The following NEDD4L variants were observed in gnomAD, a reference collection of about 807,000 sequenced individuals.
NEDD4L encodes NEDD4 like E3 ubiquitin protein ligase.
NEDD4L carries 54 observed loss-of-function variants against 148.9 expected under a neutral mutation model. The ratio of observed to expected loss-of-function variants is 0.36; its 90% CI spans 0.29 to 0.45. The LOEUF (loss-of-function observed/expected upper bound fraction) is 0.45. NEDD4L is among the 20% of genes least tolerant of loss of function. NEDD4L has a pLI of 1.00. For missense variants in NEDD4L, 856 were observed against 1,233.8 expected (o/e 0.69, Z 4.59); for synonymous variants, 433 against 440.7 (o/e 0.98, Z 0.22).
At chr18:58,082,079 A>AATATATATATAT (rs72331379) in intron 1 of NEDD4L, among the ~76,000 whole-genome samples, 1 of 89,948 alleles carries the variant, frequency 1.1e-5, no homozygotes, top group East Asian at 2.9e-4. Flanking sequence ...CTTTCTGATG[A>AATATATATATAT]ATATATATAT....
At chr18:58,251,692 A>G (rs2047963485) in intron 4 of NEDD4L, among the ~76,000 whole-genome samples, 1 of 152,242 alleles carries the variant, frequency 6.6e-6, no homozygotes, top group Non-Finnish European at 1.5e-5. Context: ...ATCTACAGTC[A>G]TGAGAATGCC....
intron 1 of NEDD4L, among the ~76,000 whole-genome samples, chr18:58,143,110 A>T (rs965067183): frequency 1.3e-5 from 2 of 152,220 alleles, no homozygotes; most frequent in East Asian, 3.8e-4. Context: ...CTTTAGTGCC[A>T]GGTACTGGCG....
intron 5 of NEDD4L, among the ~76,000 whole-genome samples, chr18:58,278,220 A>G (rs980476069): frequency 6.6e-6 from 1 of 152,198 alleles, no homozygotes; most frequent in African/African-American, 2.4e-5. Context: ...GCCTTTCGCA[A>G]TCAACAGTGT....
At chr18:58,234,130 T>C (rs569826116) in intron 2 of NEDD4L, among the ~76,000 whole-genome samples, 7,503 of 149,266 alleles carry the variant, frequency 0.05, 811 homozygotes, top group African/African-American at 0.18. Flanking sequence ...TCCTTCTTTT[T>C]TTCTTTCTTT....
At chr18:58,244,383 A>G (rs1200651471) in intron 2 of NEDD4L, among the ~76,000 whole-genome samples, 2 of 152,214 alleles carry the variant, frequency 1.3e-5, no homozygotes, top group African/African-American at 4.8e-5. Context: ...TTGCAAAGTG[A>G]TATTTTGATT....
Position 58,256,462 on chromosome 18 carries a change from G to C in NEDD4L, c.297+4408G>C, listed in dbSNP as rs1331627685. ...GCACAAAGGGGGACAGGTTGGTGAG[G>C]TATCCTCGCATTCGGCTGGAGAGGA... On this transcript the variant is annotated intron_variant, in intron 5 of 30. Transcript: ENST00000400345. This position sits in a 1 kb window ranked among gnomAD's most constrained non-coding sequence, Gnocchi z 5.2. 2.4e-6 allele frequency: 3 copies of C among 1,232,212 alleles called. No homozygotes were observed. Among genetic ancestry groups the C allele is most frequent in the Non-Finnish European group, 3.0e-6 (3 of 988,096 alleles). 76.3% of individuals were successfully genotyped at this position (1,232,212 alleles called of 1,614,324 possible).
intron 2 of NEDD4L, among the ~76,000 whole-genome samples, chr18:58,205,481 T>G (rs1448360849): frequency 6.6e-6 from 1 of 151,616 alleles, no homozygotes; most frequent in East Asian, 1.9e-4. Flanking sequence ...CTATTTTGAC[T>G]AGAGGGGTGT....
intron 19 of NEDD4L, among the ~76,000 whole-genome samples, chr18:58,358,378 A>G (rs1423181780): frequency 6.6e-6 from 1 of 152,156 alleles, no homozygotes; most frequent in Non-Finnish European, 1.5e-5. Context: ...CTTTTGATAT[A>G]TATATATTCG....
At chr18:58,309,960 GCTGCTATTGCAGGGCTGCTGCAATC>G (rs2057493500) in intron 5 of NEDD4L, among the ~76,000 whole-genome samples, 1 of 152,200 alleles carries the variant, frequency 6.6e-6, no homozygotes, top group Non-Finnish European at 1.5e-5. Context: ...TTAAAGCCAG[GCTGCTATTGCAGGGCTGCTGCAATC>G]CTTGCAAGCA....
intron 2 of NEDD4L, among the ~76,000 whole-genome samples, chr18:58,201,289 C>A (rs371053239): frequency 6.6e-6 from 1 of 151,982 alleles, no homozygotes; most frequent in East Asian, 1.9e-4. Context: ...GCCGAGATCA[C>A]GCCACTGTAC....
chr18:58,342,865 G>T (rs576649288), intron 15 of NEDD4L, 41 bp from the exon 16 acceptor site: 5 of 1,459,694 alleles, frequency 3.4e-6, no homozygotes, highest in Non-Finnish European at 4.6e-6. Context: ...CATTGGAATC[G>T]CACATGCTAA....
chr18:58,316,164 C>T, intron 6 of NEDD4L, 132 bp downstream of exon 6: 1 of 745,902 alleles, frequency 1.3e-6, no homozygotes, highest in Non-Finnish European at 2.3e-6. Flanking sequence ...TGTGCTGTGG[C>T]CTTAGTCCTT....
chr18:58,301,470 C>G (rs530310014), intron 5 of NEDD4L, among the ~76,000 whole-genome samples: 1 of 152,312 alleles, frequency 6.6e-6, no homozygotes, highest in South Asian at 2.1e-4. Flanking sequence ...CAGGGAGGTA[C>G]CCTGTAGAAT....
chr18:58,257,973 AG>A (rs2148610040), intron 5 of NEDD4L, among the ~76,000 whole-genome samples: 1 of 152,360 alleles, frequency 6.6e-6, no homozygotes, highest in East Asian at 1.9e-4. Flanking sequence ...GTATTACTCT[AG>A]AATTGTATTG....
intron 1 of NEDD4L, among the ~76,000 whole-genome samples, chr18:58,084,281 G>T (rs1009148519): frequency 6.6e-6 from 1 of 152,168 alleles, no homozygotes; most frequent in African/African-American, 2.4e-5. Context: ...AACTGCTAAT[G>T]GGTACAGGAT....
At chr18:58,168,196 C>T (rs2146675068) in intron 2 of NEDD4L, among the ~76,000 whole-genome samples, 1 of 152,288 alleles carries the variant, frequency 6.6e-6, no homozygotes, top group African/African-American at 2.4e-5. Context: ...CTTCATTTTC[C>T]TAGATTGATA....
At chr18:58,253,885 A>G (rs749625926) in intron 5 of NEDD4L, among the ~76,000 whole-genome samples, 17 of 152,226 alleles carry the variant, frequency 1.1e-4, no homozygotes, top group Non-Finnish European at 1.9e-4. Context: ...GAAATCTTGT[A>G]TGAATACAAG....
At chr18:58,230,018 A>T (rs2044932529) in intron 2 of NEDD4L, among the ~76,000 whole-genome samples, 1 of 152,170 alleles carries the variant, frequency 6.6e-6, no homozygotes. Flanking sequence ...ACAAAAAAGG[A>T]AAGCTTTTTC....
chr18:58,353,741 CCT>C (rs1415434977), intron 18 of NEDD4L, among the ~76,000 whole-genome samples: 2 of 152,310 alleles, frequency 1.3e-5, no homozygotes, highest in Middle Eastern at 3.4e-3. Context: ...CAGAAGAAAG[CCT>C]CTTTTTCTAA....
Sources: allele counts gnomAD v4.1 joint callset (sites outside exome capture counted in the v4.1 genomes callset), GRCh38; gene constraint gnomAD v4.1.1; non-coding constraint Gnocchi (gnomAD v3.1); transcripts MANE v1.5; gene names NCBI Gene and HGNC (gene_info 2026-07-23, HGNC 2026-07-21).